IQANK1: variants seen among roughly 807,000 people sequenced by gnomAD.
IQANK1 encodes IQ motif and ankyrin repeat domain-containing protein 1.
A neutral mutation model predicts 22.6 loss-of-function variants in IQANK1; 30 were observed. That is an observed-to-expected ratio of 1.33 (90% CI 0.99 to 1.80). The LOEUF (loss-of-function observed/expected upper bound fraction) is 1.80. Ranked by LOEUF, IQANK1 falls within the 40% of genes most tolerant of loss-of-function variation. IQANK1 has a pLI of 0.00. For missense variants in IQANK1, 275 were observed against 235.2 expected, an observed-to-expected ratio of 1.17 and a Z score of -1.11; for synonymous variants, 122 against 99.6, an observed-to-expected ratio of 1.23 and a Z score of -1.34.
rs1479570534 is a variant in IQANK1 at position 143,759,050 on chromosome 8, G to T, written c.176-12438G>T. On this transcript the variant is annotated intron_variant, in intron 3 of 13. Coordinates refer to ENST00000527139, the MANE Select transcript of IQANK1 (RefSeq NM_001381874.1). ...ATGGGGTCCCAATCGGTGGGATGAG[G>T]CCCTGGGATGAGGTCCTGCATTTGG... is the stretch of plus-strand genomic sequence containing the variant. The T allele has an allele frequency of 3.7e-5, 9 of 241,594 alleles. No homozygotes were observed. In the Admixed American group the frequency reaches 3.8e-4, roughly 10 times the overall value. 15.0% of individuals were successfully genotyped at this position (241,594 alleles called of 1,614,324 possible).
intron 6 of IQANK1, 44 bp from the exon 7 acceptor site, chr8:143,772,313 C>G: frequency 2.5e-6 from 1 of 398,720 alleles, no homozygotes; most frequent in South Asian, 1.3e-4. Flanking sequence ...CCTCCTTCCC[C>G]CAGGGGCAAG....
At position 143,790,222 on chromosome 8, in the gene IQANK1, G is replaced by A; in HGVS notation, c.1375G>A (p.Glu459Lys). The stretch of plus-strand genomic sequence containing the variant: ...CAACTATGTGGACACGGTGAACCCG[G>A]AGCCCCTGAGGCCGGAGACGATGTG... ...DTNYVDTVNP[E>K]PLRPETMWLA... Residue 459 changes from glutamate to lysine, a missense_variant, in exon 13 of 14, where the codon GAG becomes AAG. Transcript: ENST00000527139. The A allele has an allele frequency of 8.1e-7, 1 of 1,232,164 alleles. No individual in the cohort carries two copies. The highest frequency in any genetic ancestry group is 1.0e-6 in the Non-Finnish European group (1 of 988,030). 76.3% of individuals were successfully genotyped at this position (1,232,164 alleles called of 1,614,324 possible). A position where few individuals can be genotyped will look rare whatever the true frequency, so the allele number is the denominator to read the frequency against.
Position 143,790,041 on chromosome 8 carries a change from C to G in IQANK1, c.1266C>G (p.Gly422=), listed in dbSNP as rs1587499288. ...ACGATGTGCTGATGAAAGATGTAGG[C>G]AACCGCATCCGTGCCGATGGCCGGT... ...ELHDVLMKDV[G]NRIRADGRWP... is the part of the protein sequence containing the mutation. Residue 422 remains glycine (G), a synonymous_variant, in exon 12 of 14, where the codon GGC becomes GGG. Coordinates refer to ENST00000527139, the MANE Select transcript of IQANK1 (RefSeq NM_001381874.1). The G allele has an allele frequency of 1.6e-6, 2 of 1,232,126 alleles. No individual in the cohort carries two copies. Among genetic ancestry groups the G allele is most frequent in the Non-Finnish European group, 1.0e-6 (1 of 988,020 alleles). The allele number at this position is 1,232,126 out of a possible 1,614,324, so 76.3% of individuals were successfully genotyped here.
intron 3 of IQANK1, among the ~76,000 whole-genome samples, chr8:143,750,143 C>T (rs563924627): frequency 2.0e-5 from 3 of 152,072 alleles, no homozygotes; most frequent in Admixed American, 2.0e-4. Flanking sequence ...GGATTACAGG[C>T]ATGCGCCACC....
intron 3 of IQANK1, chr8:143,745,717 G>C (rs782729683): frequency 6.6e-6 from 1 of 152,052 alleles, no homozygotes; most frequent in Non-Finnish European, 1.5e-5. Context: ...ACCACACCCA[G>C]CCTCATTCAT....
chr8:143,772,134 CGG>C lies in IQANK1; in HGVS notation c.555_556del (p.Glu186ValfsTer76). 1 of 395,378 alleles carries C rather than the reference CGG, an allele frequency of 2.5e-6. No homozygotes were observed. The highest frequency in any genetic ancestry group is 4.4e-5 in the Admixed American group (1 of 22,600). The allele number at this position is 395,378 out of a possible 1,614,324, so 24.5% of individuals were successfully genotyped here. A position where few individuals can be genotyped will look rare whatever the true frequency, so the allele number is the denominator to read the frequency against. ...CGGCTGCAGCGACGCGTGGCTCTGG[CGG>C]AGTGCGAGGACAGCTACGGGAACAC... On this transcript the variant is annotated frameshift_variant, in exon 6 of 14. Coordinates refer to ENST00000527139, the MANE Select transcript of IQANK1 (RefSeq NM_001381874.1). LOFTEE classifies it high-confidence loss of function.
Position 143,789,069 on chromosome 8 carries a change from A to C in IQANK1, c.938+6A>C. The C allele has an allele frequency of 1.0e-5, 4 of 400,880 alleles. No individual in the cohort carries two copies. Among genetic ancestry groups the C allele is most frequent in the Non-Finnish European group, 1.8e-5 (4 of 227,424 alleles). 24.8% of individuals were successfully genotyped at this position (400,880 alleles called of 1,614,324 possible). Reference sequence around the variant, plus strand: ...GAGGCTGAGCGGTGTGGAAGGCAGGAGGGGTGTGGGAGGTGCTGGCGAGGG... The same window carrying C: ...GAGGCTGAGCGGTGTGGAAGGCAGGCGGGGTGTGGGAGGTGCTGGCGAGGG... On this transcript the variant is annotated splice_donor_region_variant and intron_variant, in intron 8 of 13. Transcript: ENST00000527139.
At chr8:143,772,017 G>A (rs1270365611) in intron 5 of IQANK1, 35 bp from the exon 6 acceptor site, 15 of 395,244 alleles carry the variant, frequency 3.8e-5, no homozygotes, top group Non-Finnish European at 5.8e-5. Context: ...GGGAGTGGGA[G>A]GAGCGGGGAG....
chr8:143,785,393 A>G (rs910909929), intron 7 of IQANK1, among the ~76,000 whole-genome samples: 1 of 150,656 alleles, frequency 6.6e-6, no homozygotes, highest in Non-Finnish European at 1.5e-5. Context: ...AGTAGCTGGG[A>G]CTACCAGTGT....
At chr8:143,748,627 T>TATCATATATAAATATATAAATATATATCA (rs1554627527) in intron 3 of IQANK1, among the ~76,000 whole-genome samples, 2 of 125,696 alleles carry the variant, frequency 1.6e-5, no homozygotes, top group Non-Finnish European at 1.6e-5. Flanking sequence ...ATATATAATA[T>TATCATATATAAATATATAAATATATATCA]ATCATATATA....
chr8:143,790,342 T>C lies in IQANK1; in HGVS notation c.1425-8T>C. On this transcript the variant is annotated splice_polypyrimidine_tract_variant and splice_region_variant and intron_variant, in intron 13 of 13. Coordinates refer to ENST00000527139, the MANE Select transcript of IQANK1 (RefSeq NM_001381874.1). The stretch of plus-strand genomic sequence containing the variant: ...CCCCACCCTGGCCTCACCAGCCTCA[T>C]GGGGCAGGTATGGGAAGCCGCTGGT... 9 of 1,207,600 alleles carry C rather than the reference T, an allele frequency of 7.5e-6. No individual in the cohort carries two copies. The highest frequency in any genetic ancestry group is 9.3e-6 in the Non-Finnish European group (9 of 965,772). The allele number at this position is 1,207,600 out of a possible 1,614,324, so 74.8% of individuals were successfully genotyped here. A position where few individuals can be genotyped will look rare whatever the true frequency, so the allele number is the denominator to read the frequency against.
intron 7 of IQANK1, among the ~76,000 whole-genome samples, chr8:143,787,824 A>G (rs1554631562): frequency 6.6e-6 from 1 of 151,422 alleles, no homozygotes; most frequent in Non-Finnish European, 1.5e-5. Context: ...GCGGCCGCTC[A>G]CCCGCGCACC....
intron 3 of IQANK1, among the ~76,000 whole-genome samples, chr8:143,765,464 C>T (rs905740494): frequency 5.3e-5 from 8 of 152,140 alleles, no homozygotes; most frequent in African/African-American, 1.9e-4. Context: ...TAAAATGAGC[C>T]TCCATGGTAA....
chr8:143,749,916 T>TA (rs1428676821), intron 3 of IQANK1, among the ~76,000 whole-genome samples: 1 of 151,972 alleles, frequency 6.6e-6, no homozygotes, highest in African/African-American at 2.4e-5. Context: ...TTATAGTTAT[T>TA]ATATATTCTT....
At chr8:143,740,582 G>A (rs1205394118) in intron 3 of IQANK1, among the ~76,000 whole-genome samples, 1 of 152,258 alleles carries the variant, frequency 6.6e-6, no homozygotes, top group African/African-American at 2.4e-5. Flanking sequence ...CCTCACCCAC[G>A]GTTCCGCCTG....
intron 7 of IQANK1, among the ~76,000 whole-genome samples, chr8:143,773,679 C>G (rs933099673): frequency 6.6e-6 from 1 of 152,194 alleles, no homozygotes; most frequent in Admixed American, 6.5e-5. Context: ...TAGGGACCCA[C>G]CCCCAGACTC....
At chr8:143,769,629 C>T (rs1211582059) in intron 3 of IQANK1, among the ~76,000 whole-genome samples, 2 of 152,238 alleles carry the variant, frequency 1.3e-5, no homozygotes, top group Non-Finnish European at 2.9e-5. Context: ...TCCCTTGGCC[C>T]GTCCTCTGCT....
At chr8:143,775,468 AT>A (rs1307848597) in intron 7 of IQANK1, among the ~76,000 whole-genome samples, 2 of 152,054 alleles carry the variant, frequency 1.3e-5, no homozygotes, top group Non-Finnish European at 2.9e-5. Flanking sequence ...ATTAAAAGTT[AT>A]TATAGCTGAG....
chr8:143,738,960 G>A (rs1210933767), intron 2 of IQANK1, among the ~76,000 whole-genome samples: 1 of 152,044 alleles, frequency 6.6e-6, no homozygotes, highest in Admixed American at 6.5e-5. Flanking sequence ...TGGGAGCTAG[G>A]GCAGGGTTCG....
Sources: gnomAD v4.1 joint callset for allele counts (sites outside exome capture counted in the v4.1 genomes callset) on GRCh38, gnomAD v4.1.1 for gene constraint, MANE v1.5 for transcripts, NCBI Gene and HGNC (gene_info 2026-07-23, HGNC 2026-07-21) for gene names.